Variants in ANLN observed in about 807,000 individuals in gnomAD.
ANLN encodes the protein anillin, actin binding protein.
ANLN carries 59 observed loss-of-function variants against 135.1 expected under a neutral mutation model. The observed-to-expected ratio is 0.44, with a 90% CI of 0.35 to 0.54. The LOEUF (loss-of-function observed/expected upper bound fraction) is 0.54, where lower values mean the gene tolerates loss of function less well. Ranked by LOEUF, ANLN falls within the 20% of genes least tolerant of loss-of-function variation. ANLN has a pLI of 0.00. For synonymous variants in ANLN, 406 were observed against 456.4 expected, an observed-to-expected ratio of 0.89 and a Z score of 1.41; for missense variants, 1,182 against 1,340.0, an observed-to-expected ratio of 0.88 and a Z score of 1.84.
chr7:36,436,355 T>C (rs1392445973), intron 20 of ANLN, among the ~76,000 whole-genome samples: 1 of 152,248 alleles, frequency 6.6e-6, no homozygotes, highest in East Asian at 1.9e-4. Flanking sequence ...ATTTCATTTA[T>C]CTGTTCATTC....
chr7:36,420,343 C>T, intron 11 of ANLN, 29 bp downstream of exon 11: 1 of 1,607,712 alleles, frequency 6.2e-7, no homozygotes, highest in Non-Finnish European at 8.5e-7. Flanking sequence ...GGCATTCACT[C>T]ACTAAGGGTC....
In ANLN at chr7:36,417,068, A is replaced by G; in HGVS notation, c.1523-12A>G. On this transcript the variant is annotated splice_polypyrimidine_tract_variant and intron_variant, in intron 8 of 23. Coordinates refer to ENST00000265748, the MANE Select transcript of ANLN (RefSeq NM_018685.5). Reference sequence around the variant, plus strand: ...TATATATATTAATATGGTCTTTCTTAAACATTTTTAGGTTTCACTGAATGC... The same window carrying G: ...TATATATATTAATATGGTCTTTCTTGAACATTTTTAGGTTTCACTGAATGC... 6.7e-7 allele frequency: 1 copy of G among 1,489,304 alleles called. No homozygotes were observed. The allele number at this position is 1,489,304 out of a possible 1,614,324, so 92.3% of individuals were successfully genotyped here.
intron 23 of ANLN, among the ~76,000 whole-genome samples, chr7:36,451,317 T>G (rs1302597523): frequency 6.6e-6 from 1 of 152,130 alleles, no homozygotes; most frequent in African/African-American, 2.4e-5. Flanking sequence ...ACTGCATACT[T>G]CAAAATAGAG....
Position 36,389,992 on chromosome 7 carries a change from C to A in ANLN, c.-35C>A. 6.2e-7 allele frequency: 1 copy of A among 1,614,112 alleles called. No individual in the cohort carries two copies. Among genetic ancestry groups the A allele is most frequent in the Non-Finnish European group, 8.5e-7 (1 of 1,179,972 alleles). On this transcript the variant is annotated 5_prime_UTR_variant, in exon 1 of 24. Transcript: ENST00000265748. ...TTTTCTCTTCCTGAATTTGAACCACCGTTTCCATCGTCTCGTAGTCCGACG... is the reference window on the plus strand; with the variant it reads ...TTTTCTCTTCCTGAATTTGAACCACAGTTTCCATCGTCTCGTAGTCCGACG...
chr7:36,403,219 A>G (rs772090359), intron 3 of ANLN, among the ~76,000 whole-genome samples: 2 of 152,198 alleles, frequency 1.3e-5, no homozygotes, highest in African/African-American at 2.4e-5. Flanking sequence ...GACAAACTCT[A>G]AGACCTAACG....
chr7:36,424,497 T>G, intron 15 of ANLN, 48 bp from the exon 16 acceptor site: 1 of 1,433,742 alleles, frequency 7.0e-7, no homozygotes, highest in Non-Finnish European at 9.7e-7. Flanking sequence ...TTTAATGGTG[T>G]GATTGAGGTT....
At chr7:36,447,619 G>A (rs1185135527) in intron 22 of ANLN, among the ~76,000 whole-genome samples, 1 of 151,704 alleles carries the variant, frequency 6.6e-6, no homozygotes, top group African/African-American at 2.4e-5. Context: ...GTAGAGACGG[G>A]GTTTCACCGT....
At chr7:36,396,184 A>G (rs999235012) in intron 1 of ANLN, 82 bp from the exon 2 acceptor site, 14 of 1,223,178 alleles carry the variant, frequency 1.1e-5, no homozygotes, top group African/African-American at 4.6e-5. Context: ...CTGTATGGCA[A>G]TTGGTGATTT....
At chr7:36,435,391 G>GA (rs1490801364) in intron 20 of ANLN, among the ~76,000 whole-genome samples, 1 of 151,288 alleles carries the variant, frequency 6.6e-6, no homozygotes, top group African/African-American at 2.4e-5. Flanking sequence ...ATGGTGGGGG[G>GA]GGGGTCTCAG....
intron 10 of ANLN, among the ~76,000 whole-genome samples, chr7:36,419,930 A>G (rs1787804926): frequency 6.6e-6 from 1 of 152,138 alleles, no homozygotes; most frequent in African/African-American, 2.4e-5. Flanking sequence ...CAATTGAATA[A>G]CTGCAGCTCT....
At chr7:36,431,630 A>G (rs867119881) in intron 20 of ANLN, among the ~76,000 whole-genome samples, 3 of 124,780 alleles carry the variant, frequency 2.4e-5, no homozygotes, top group African/African-American at 9.2e-5. Context: ...ATATATATAT[A>G]TATTACCATT....
intron 20 of ANLN, among the ~76,000 whole-genome samples, chr7:36,428,813 C>G (rs1788196266): frequency 1.5e-5 from 2 of 129,996 alleles, no homozygotes; most frequent in Non-Finnish European, 3.2e-5. Flanking sequence ...GAGTTTTGCT[C>G]TGTCACCCAG....
At chr7:36,392,672 A>C (rs762701577) in intron 1 of ANLN, among the ~76,000 whole-genome samples, 5 of 152,140 alleles carry the variant, frequency 3.3e-5, no homozygotes, top group African/African-American at 7.2e-5. Context: ...TAAGATATAT[A>C]ATTTCTTTTA....
chr7:36,447,753 C>T (rs752428399), intron 22 of ANLN, among the ~76,000 whole-genome samples: 1 of 152,146 alleles, frequency 6.6e-6, no homozygotes, highest in African/African-American at 2.4e-5. Context: ...ATGCCAGGTG[C>T]GATGGCAGGA....
chr7:36,424,471 T>C lies in ANLN; in HGVS notation c.2604-74T>C, dbSNP rs372217995. 13 of 1,213,844 alleles carry C rather than the reference T, an allele frequency of 1.1e-5. No homozygotes were observed. In the East Asian group the frequency reaches 1.2e-4, roughly 11 times the overall value. The allele number at this position is 1,213,844 out of a possible 1,614,324, so 75.2% of individuals were successfully genotyped here. A position where few individuals can be genotyped will look rare whatever the true frequency, so the allele number is the denominator to read the frequency against. On this transcript the variant is annotated intron_variant, in intron 15 of 23. Coordinates refer to ENST00000265748, the MANE Select transcript of ANLN (RefSeq NM_018685.5). The stretch of plus-strand genomic sequence containing the variant: ...TCCTTTACTTAGAGTCTTGTAAGAG[T>C]ATTTGTAGCATCATTTTTAATGGTG...
chr7:36,420,039 T>A (rs1458597480), intron 10 of ANLN, 130 bp from the exon 11 acceptor site: 1 of 882,524 alleles, frequency 1.1e-6, no homozygotes, highest in Non-Finnish European at 1.7e-6. Flanking sequence ...TAGTTTGCTT[T>A]GTTTTTATGA....
At chr7:36,436,904 A>G (rs1788570807) in intron 20 of ANLN, among the ~76,000 whole-genome samples, 1 of 152,216 alleles carries the variant, frequency 6.6e-6, no homozygotes, top group African/African-American at 2.4e-5. Context: ...TATAATTGAC[A>G]AATATTTCAA....
intron 20 of ANLN, among the ~76,000 whole-genome samples, chr7:36,431,728 C>G (rs1356216128): frequency 6.6e-6 from 1 of 150,734 alleles, no homozygotes; most frequent in African/African-American, 2.4e-5. Context: ...TTATCTTTTC[C>G]CTTCAAGGCT....
chr7:36,392,131 G>A (rs1326831357), intron 1 of ANLN, among the ~76,000 whole-genome samples: 1 of 152,066 alleles, frequency 6.6e-6, no homozygotes, highest in Non-Finnish European at 1.5e-5. Context: ...CCTTAAAAGA[G>A]AAAAAGCTAT....
Sources: allele counts gnomAD v4.1 joint callset (sites outside exome capture counted in the v4.1 genomes callset), GRCh38; gene constraint gnomAD v4.1.1; transcripts MANE v1.5; gene names NCBI Gene and HGNC (gene_info 2026-07-23, HGNC 2026-07-21).